ZGRF1: variants seen among roughly 807,000 people sequenced by gnomAD.
ZGRF1 encodes zinc finger GRF-type containing 1.
ZGRF1 carries 196 observed loss-of-function variants against 203.5 expected under a neutral mutation model. The observed-to-expected ratio is 0.96, with a 90% CI of 0.86 to 1.08. The LOEUF is 1.08. Among genes scored for constraint, ZGRF1 ranks in the 50% least tolerant of loss-of-function variants. ZGRF1 has a pLI of 0.00. For synonymous variants in ZGRF1, 809 were observed against 841.3 expected (o/e 0.96, Z 0.66); for missense variants, 2,326 against 2,416.3 (o/e 0.96, Z 0.78).
chr4:112,552,966 G>C (rs1449217471), intron 22 of ZGRF1, among the ~76,000 whole-genome samples: 1 of 152,192 alleles, frequency 6.6e-6, no homozygotes, highest in Non-Finnish European at 1.5e-5. Flanking sequence ...ACTGTTCTCA[G>C]AATAAGAGAC....
At chr4:112,584,307 C>T in intron 14 of ZGRF1, 133 bp from the exon 15 acceptor site, 1 of 424,082 alleles carries the variant, frequency 2.4e-6, no homozygotes, top group Admixed American at 4.3e-5. Context: ...CACTATATGA[C>T]TTAACTTTAT....
At position 112,557,960 on chromosome 4, in the gene ZGRF1, G is replaced by T. The variant is rs114810244; in HGVS notation, c.5120+190C>A. ...TGCCAAAATTTCCAGTTCTGGTTTT[G>T]ATTTTATCCTACTTACAAGCTAATT... On this transcript the variant is annotated intron_variant, in intron 20 of 27. Coordinates refer to ENST00000505019, the MANE Select transcript of ZGRF1 (RefSeq NM_018392.5). Among the ~76,000 whole-genome samples, 386 of 152,252 alleles carry T rather than the reference G, an allele frequency of 2.5e-3. 1 individual carries two copies. The highest frequency in any genetic ancestry group is 8.7e-3 in the African/African-American group (361 of 41,556).
At chr4:112,599,931 C>T (rs78486861) in intron 10 of ZGRF1, among the ~76,000 whole-genome samples, 1,687 of 152,178 alleles carry the variant, frequency 0.011, 10 homozygotes, top group Middle Eastern at 0.044. Context: ...ATAAAATGTA[C>T]TCAATACATA....
intron 24 of ZGRF1, among the ~76,000 whole-genome samples, chr4:112,543,750 A>G (rs1221794347): frequency 6.6e-6 from 1 of 152,196 alleles, no homozygotes; most frequent in Non-Finnish European, 1.5e-5. Context: ...ACAGGAGGAG[A>G]AGTCTTCACT....
At chr4:112,624,846 G>A (rs1015794635) in intron 3 of ZGRF1, among the ~76,000 whole-genome samples, 9 of 151,950 alleles carry the variant, frequency 5.9e-5, no homozygotes, top group African/African-American at 2.2e-4. Flanking sequence ...TCCACTCCTA[G>A]GTATATACCC....
At chr4:112,570,996 C>T (rs1309793517) in intron 16 of ZGRF1, among the ~76,000 whole-genome samples, 8 of 151,396 alleles carry the variant, frequency 5.3e-5, no homozygotes, top group African/African-American at 7.3e-5. Context: ...CCCAGCTACT[C>T]GGGAAGCTGA....
At chr4:112,581,204 C>T (rs1289866998) in intron 16 of ZGRF1, among the ~76,000 whole-genome samples, 1 of 145,738 alleles carries the variant, frequency 6.9e-6, no homozygotes, top group African/African-American at 2.6e-5. Flanking sequence ...CGCATGTTCT[C>T]ACTCATAGGT....
rs752661442 is a variant in ZGRF1 at position 112,581,716 on chromosome 4, GT to G, written c.4384del (p.Thr1462ProfsTer7). 2.5e-6 allele frequency: 4 copies of G among 1,581,668 alleles called. No individual in the cohort carries two copies. Among genetic ancestry groups the G allele is most frequent in the South Asian group, 1.2e-5 (1 of 84,056 alleles). On this transcript the variant is annotated frameshift_variant, in exon 16 of 28. Coordinates refer to ENST00000505019, the MANE Select transcript of ZGRF1 (RefSeq NM_018392.5). LOFTEE classifies it high-confidence loss of function. ...CCGACTTAGCTTAAGATAAAGTTTG[GT>G]TTTTGGTTCATTATAAAACTCAGGA... ...VNPEFYNEPK[T>X]KLYLKLSRKE...
At chr4:112,556,859 TA>T (rs1309203600) in intron 20 of ZGRF1, among the ~76,000 whole-genome samples, 1 of 152,158 alleles carries the variant, frequency 6.6e-6, no homozygotes, top group African/African-American at 2.4e-5. Context: ...AATTAATTTT[TA>T]AAAAGCTTAC....
At chr4:112,626,444 A>ATCTC (rs1356460998) in intron 3 of ZGRF1, among the ~76,000 whole-genome samples, 3 of 152,130 alleles carry the variant, frequency 2.0e-5, no homozygotes, top group African/African-American at 7.2e-5. Context: ...AATCCCCTTT[A>ATCTC]TCTCCATTCT....
intron 19 of ZGRF1, among the ~76,000 whole-genome samples, chr4:112,559,577 T>C (rs1669675949): frequency 6.6e-6 from 1 of 152,184 alleles, no homozygotes; most frequent in African/African-American, 2.4e-5. Flanking sequence ...GTAGATCAAT[T>C]AGAAAGTTGT....
chr4:112,541,818 C>T lies in ZGRF1; in HGVS notation c.5599-550G>A, dbSNP rs147502927. ...CTGGGATTACAGGCGTGAGCCACCA[C>T]GCCTGGCCAACATTATGCTTTTATA... On this transcript the variant is annotated intron_variant, in intron 24 of 27. Coordinates refer to ENST00000505019, the MANE Select transcript of ZGRF1 (RefSeq NM_018392.5). Among the ~76,000 whole-genome samples, 1,251 of 152,140 alleles carry T rather than the reference C, an allele frequency of 8.2e-3. 17 individuals carry two copies. Among genetic ancestry groups the T allele is most frequent in the African/African-American group, 0.027 (1,124 of 41,526 alleles).
In ZGRF1 at chr4:112,603,793, T is replaced by G. The variant is rs1750344665; in HGVS notation, c.2803-96A>C. The G allele has an allele frequency of 3.5e-6, 3 of 865,880 alleles. No homozygotes were observed. In the African/African-American group the frequency reaches 5.1e-5, roughly 15 times the overall value. The allele number at this position is 865,880 out of a possible 1,614,324, so 53.6% of individuals were successfully genotyped here. On this transcript the variant is annotated intron_variant, in intron 9 of 27. Coordinates refer to ENST00000505019, the MANE Select transcript of ZGRF1 (RefSeq NM_018392.5). ...ACAGAATACAATACATAATTCAGCTTTTTATTACAGGAACTATTGTAAATA... is the reference window on the plus strand; with the variant it reads ...ACAGAATACAATACATAATTCAGCTGTTTATTACAGGAACTATTGTAAATA...
intron 22 of ZGRF1, 53 bp from the exon 23 acceptor site, chr4:112,548,433 G>T: frequency 7.1e-7 from 1 of 1,416,886 alleles, no homozygotes. Flanking sequence ...GAAAATAAGA[G>T]AACGTATTTA....
At chr4:112,566,046 CAT>C (rs1247492718) in intron 16 of ZGRF1, among the ~76,000 whole-genome samples, 1 of 152,080 alleles carries the variant, frequency 6.6e-6, no homozygotes, top group African/African-American at 2.4e-5. Context: ...CACATGCACA[CAT>C]ATGTTTATTA....
rs1180373375 is a variant in ZGRF1 at position 112,553,899 on chromosome 4, CTT to C, written c.5280_5281del (p.Arg1761SerfsTer8). The C allele has an allele frequency of 6.2e-7, 1 of 1,613,596 alleles. No homozygotes were observed. Among genetic ancestry groups the C allele is most frequent in the African/African-American group, 1.3e-5 (1 of 74,942 alleles). ...CTCAATGCTTTTTCTCACATAGACTCTTTCCGTAGGAGTCAGGTCTTCTTTCA... is the reference window on the plus strand; with the variant it reads ...CTCAATGCTTTTTCTCACATAGACTCTCCGTAGGAGTCAGGTCTTCTTTCA... On this transcript the variant is annotated frameshift_variant, in exon 22 of 28. Transcript: ENST00000505019. LOFTEE classifies it high-confidence loss of function.
intron 16 of ZGRF1, among the ~76,000 whole-genome samples, chr4:112,566,999 G>GA (rs1463706441): frequency 1.3e-5 from 2 of 151,784 alleles, no homozygotes; most frequent in African/African-American, 4.8e-5. Context: ...AAAGTGTGGA[G>GA]AAAAACAGAT....
intron 3 of ZGRF1, among the ~76,000 whole-genome samples, 168 bp downstream of exon 3, chr4:112,631,762 T>G (rs953953021): frequency 1.3e-5 from 2 of 152,272 alleles, no homozygotes; most frequent in African/African-American, 4.8e-5. Context: ...ACTATTTTTA[T>G]AACGCACAAA....
intron 16 of ZGRF1, among the ~76,000 whole-genome samples, chr4:112,573,599 A>G (rs1744614417): frequency 6.6e-6 from 1 of 152,190 alleles, no homozygotes; most frequent in African/African-American, 2.4e-5. Flanking sequence ...ACCGTAAAAC[A>G]TTTAGTAGAA....
Sources: allele counts gnomAD v4.1 joint callset (sites outside exome capture counted in the v4.1 genomes callset), GRCh38; gene constraint gnomAD v4.1.1; transcripts MANE v1.5; gene names NCBI Gene and HGNC (gene_info 2026-07-23, HGNC 2026-07-21).